Variants in SYT16 observed in about 807,000 individuals in gnomAD.
The protein encoded by SYT16 is synaptotagmin 16.
A neutral mutation model predicts 61.4 loss-of-function variants in SYT16; 42 were observed. The ratio of observed to expected loss-of-function variants is 0.68; its 90% confidence interval spans 0.53 to 0.89. The LOEUF (loss-of-function observed/expected upper bound fraction) is 0.89. SYT16 is among the 40% of genes least tolerant of loss of function. The probability of loss-of-function intolerance (pLI) is 0.00; values close to 1 mark genes in which losing one functional copy is unlikely to be tolerated. For missense variants in SYT16, 804 were observed against 807.3 expected, an observed-to-expected ratio of 1.00 and a Z score of 0.05; for synonymous variants, 314 against 302.3, an observed-to-expected ratio of 1.04 and a Z score of -0.40.
rs142674786 is a variant in SYT16, at chr14:62,103,755, G to A, written c.*3048G>A. On this transcript the variant is annotated 3_prime_UTR_variant, in exon 8 of 8. Coordinates refer to ENST00000683842, the MANE Select transcript of SYT16 (RefSeq NM_001367656.1). ...GCCTTCCCTAACATAAGAAGAATTT[G>A]TAATGTCTTTGGATGTGGCATTCCA... 1.2e-4 allele frequency: 18 copies of A among 152,288 alleles called. No individual in the cohort carries two copies. The highest frequency in any genetic ancestry group is 4.3e-4 in the African/African-American group (18 of 41,558). 9.4% of individuals were successfully genotyped at this position (152,288 alleles called of 1,614,324 possible).
At position 61,986,158 on chromosome 14, in the gene SYT16, A is replaced by G. The variant is rs1402460065; in HGVS notation, c.-144-9718A>G. On this transcript the variant is annotated intron_variant, in intron 2 of 7. Transcript: ENST00000683842. ...CACTGTCTCTCCTAATCTCTTAATGAAAAAAAAATAAAAGTAATTATAAGG... is the reference window on the plus strand; with the variant it reads ...CACTGTCTCTCCTAATCTCTTAATGGAAAAAAAATAAAAGTAATTATAAGG... 2.6e-5 allele frequency among the ~76,000 whole-genome samples: 4 copies of G among 151,100 alleles called. No individual in the cohort carries two copies. The East Asian group carries it at 7.7e-4, about 29-fold the overall frequency.
intron 5 of SYT16, among the ~76,000 whole-genome samples, chr14:62,076,214 T>C (rs1313786805): frequency 6.6e-6 from 1 of 152,200 alleles, no homozygotes; most frequent in Non-Finnish European, 1.5e-5. Context: ...AGATCCCTCC[T>C]ATCATGATTC....
At chr14:62,063,688 GC>G (rs1171596551) in intron 3 of SYT16, among the ~76,000 whole-genome samples, 1 of 152,008 alleles carries the variant, frequency 6.6e-6, no homozygotes, top group Non-Finnish European at 1.5e-5. Context: ...AATTTCCTCT[GC>G]CCCTCCTTCA....
intron 1 of SYT16, among the ~76,000 whole-genome samples, chr14:61,814,164 C>T (rs1464903544): frequency 6.6e-6 from 1 of 152,200 alleles, no homozygotes; most frequent in African/African-American, 2.4e-5. Flanking sequence ...ATGCTTTCCT[C>T]CTTTTTAAAG....
rs78478424 is a variant in SYT16, at chr14:62,052,404, G to A, written c.524-17199G>A. Among the ~76,000 whole-genome samples the A allele has an allele frequency of 8.4e-3, 1,278 of 152,130 alleles. 8 individuals are homozygous for A. The highest frequency in any genetic ancestry group is 0.013 in the Non-Finnish European group (881 of 67,992). On this transcript the variant is annotated intron_variant, in intron 3 of 7. Transcript: ENST00000683842. Reference sequence around the variant, plus strand: ...TTTTTAAGAGACTTTTATTTTTAACGGTGTTGAAATTAGAATGTGGTCTAA... The same window carrying A: ...TTTTTAAGAGACTTTTATTTTTAACAGTGTTGAAATTAGAATGTGGTCTAA...
chr14:62,028,147 A>G (rs189917453), intron 3 of SYT16, among the ~76,000 whole-genome samples: 3 of 152,242 alleles, frequency 2.0e-5, no homozygotes, highest in Admixed American at 6.5e-5. Flanking sequence ...ATGCCATTAT[A>G]TGATGTGCTG....
intron 3 of SYT16, among the ~76,000 whole-genome samples, chr14:62,021,015 GT>G (rs1455714322): frequency 6.6e-6 from 1 of 152,084 alleles, no homozygotes; most frequent in Non-Finnish European, 1.5e-5. Flanking sequence ...CCTGCTCATG[GT>G]TTTATTCTGT....
intron 1 of SYT16, among the ~76,000 whole-genome samples, chr14:61,872,289 G>A (rs767270154): frequency 6.6e-6 from 1 of 151,958 alleles, no homozygotes; most frequent in Non-Finnish European, 1.5e-5. Context: ...CATATATAAT[G>A]TTTTGATACT....
chr14:62,081,086 G>A lies in SYT16; in HGVS notation c.1246G>A (p.Glu416Lys). Residue 416 changes from glutamate (E) to lysine (K), a missense_variant, in exon 6 of 8, where the codon GAG becomes AAG. By Grantham distance (56) the Glu-to-Lys change is moderately conservative. Transcript: ENST00000683842. ...IQRGPNPVFR[E>K]KVTFAKLEPR... ...GAGAGGGCCCAACCCCGTCTTCAGG[G>A]AGAAGGTCACCTTTGCCAAGCTGGA... 1 of 1,613,874 alleles carries A rather than the reference G, an allele frequency of 6.2e-7. No homozygotes were observed.
At chr14:61,821,326 T>C (rs1208052858) in intron 1 of SYT16, among the ~76,000 whole-genome samples, 1 of 152,192 alleles carries the variant, frequency 6.6e-6, no homozygotes, top group Non-Finnish European at 1.5e-5. Flanking sequence ...CAGTGTTTTT[T>C]AAATACTCCC....
chr14:61,884,930 G>C (rs2047843682), intron 1 of SYT16, among the ~76,000 whole-genome samples: 1 of 152,152 alleles, frequency 6.6e-6, no homozygotes. Flanking sequence ...CTAAAAACCA[G>C]AGGACTCCAG....
chr14:61,816,976 A>C (rs985618539), intron 1 of SYT16, among the ~76,000 whole-genome samples: 7 of 147,422 alleles, frequency 4.7e-5, no homozygotes, highest in Non-Finnish European at 1.0e-4. Flanking sequence ...CTGCCACTGC[A>C]CTCCAGCCTG....
At chr14:62,086,771 C>T (rs895570167) in intron 7 of SYT16, among the ~76,000 whole-genome samples, 2 of 152,188 alleles carry the variant, frequency 1.3e-5, no homozygotes, top group East Asian at 3.8e-4. Flanking sequence ...AAGTTTAAGT[C>T]TATTTGGCAT....
At chr14:62,097,653 G>T (rs991620784) in intron 7 of SYT16, among the ~76,000 whole-genome samples, 10 of 152,298 alleles carry the variant, frequency 6.6e-5, no homozygotes, top group African/African-American at 1.9e-4. Flanking sequence ...GGTGTCTTCA[G>T]ACTGGATTGC....
At chr14:61,831,393 T>C (rs1301110748) in intron 1 of SYT16, among the ~76,000 whole-genome samples, 1 of 152,244 alleles carries the variant, frequency 6.6e-6, no homozygotes, top group Non-Finnish European at 1.5e-5. Flanking sequence ...AGATACATTG[T>C]CTTCCTCCGG....
intron 1 of SYT16, among the ~76,000 whole-genome samples, chr14:61,842,781 G>T (rs973644478): frequency 1.6e-4 from 24 of 151,214 alleles, no homozygotes; most frequent in African/African-American, 4.4e-4. Flanking sequence ...GTTAGGGGGT[G>T]GGGGGAGCGG....
At chr14:61,863,701 C>T (rs2047036980) in intron 1 of SYT16, among the ~76,000 whole-genome samples, 1 of 152,196 alleles carries the variant, frequency 6.6e-6, no homozygotes, top group South Asian at 2.1e-4. Flanking sequence ...CCAGATCATC[C>T]AGATTTTCTC....
At chr14:61,965,265 A>G (rs2051269668) in intron 1 of SYT16, among the ~76,000 whole-genome samples, 1 of 152,150 alleles carries the variant, frequency 6.6e-6, no homozygotes, top group Non-Finnish European at 1.5e-5. Flanking sequence ...CATTGCTATG[A>G]CACTCTACTT....
intron 2 of SYT16, among the ~76,000 whole-genome samples, chr14:61,979,107 A>G (rs115360095): frequency 0.014 from 2,206 of 152,280 alleles, 46 homozygotes; most frequent in African/African-American, 0.046. Flanking sequence ...AAGAATAATG[A>G]CAAATTTTGT....
Sources: allele counts gnomAD v4.1 joint callset (sites outside exome capture counted in the v4.1 genomes callset), GRCh38; gene constraint gnomAD v4.1.1; transcripts MANE v1.5; gene names NCBI Gene and HGNC (gene_info 2026-07-23, HGNC 2026-07-21).